Variants in PRKCD observed in about 807,000 individuals in gnomAD.
The protein encoded by PRKCD is protein kinase C delta type.
A neutral mutation model predicts 82.2 loss-of-function variants in PRKCD; 20 were observed. That is an observed-to-expected ratio of 0.24 (90% CI 0.17 to 0.35). The LOEUF (loss-of-function observed/expected upper bound fraction) is 0.35. Among genes scored for constraint, PRKCD ranks in the 10% least tolerant of loss-of-function variants. The pLI, the probability that PRKCD is intolerant of heterozygous loss-of-function variation, is 1.00. For synonymous variants in PRKCD, 317 were observed against 337.0 expected, an observed-to-expected ratio of 0.94 and a Z score of 0.65; for missense variants, 607 against 899.0, an observed-to-expected ratio of 0.68 and a Z score of 4.15.
In PRKCD at chr3:53,186,710, T is replaced by C. The variant is rs1444204215; in HGVS notation, c.1352+15T>C. The stretch of plus-strand genomic sequence containing the variant: ...TACCGTGCCACGTACGTAAGGGCCA[T>C]GGTGGGGAAGGGCCCAGTGTGGAGG... On this transcript the variant is annotated intron_variant, in intron 14 of 18. Coordinates refer to ENST00000330452, the MANE Select transcript of PRKCD (RefSeq NM_006254.4). The C allele has an allele frequency of 1.9e-6, 3 of 1,606,892 alleles. No homozygotes were observed. Among genetic ancestry groups the C allele is most frequent in the East Asian group, 4.5e-5 (2 of 44,862 alleles).
At chr3:53,186,363 C>A in intron 13 of PRKCD, 23 bp downstream of exon 13, 1 of 1,612,912 alleles carries the variant, frequency 6.2e-7, no homozygotes, top group Non-Finnish European at 8.5e-7. Flanking sequence ...CCTGCCGTCA[C>A]CACCCCATGC....
intron 2 of PRKCD, among the ~76,000 whole-genome samples, chr3:53,172,603 T>G (rs140037874): frequency 2.6e-5 from 4 of 152,160 alleles, no homozygotes; most frequent in Admixed American, 6.5e-5. Flanking sequence ...GTGGCAGGTG[T>G]CAGGTGTGTG....
Position 53,187,662 on chromosome 3 carries a change from G to A in PRKCD, c.1415+260G>A, listed in dbSNP as rs112969051. Among the ~76,000 whole-genome samples the A allele has an allele frequency of 6.4e-3, 972 of 152,316 alleles. 6 individuals carry two copies. Among genetic ancestry groups the A allele is most frequent in the African/African-American group, 0.021 (891 of 41,570 alleles). Reference sequence around the variant, plus strand: ...GCCCCACCCATCCTTGGAGCCGTCAGTCTCGCTCTGAAGCCCCATCGAGTC... The same window carrying A: ...GCCCCACCCATCCTTGGAGCCGTCAATCTCGCTCTGAAGCCCCATCGAGTC... On this transcript the variant is annotated intron_variant, in intron 15 of 18. Coordinates refer to ENST00000330452, the MANE Select transcript of PRKCD (RefSeq NM_006254.4).
chr3:53,184,420 A>G (rs1169208578), intron 9 of PRKCD, among the ~76,000 whole-genome samples: 1 of 152,046 alleles, frequency 6.6e-6, no homozygotes, highest in Non-Finnish European at 1.5e-5. Context: ...TCACACCTGT[A>G]ATCCCAGCAC....
intron 1 of PRKCD, among the ~76,000 whole-genome samples, chr3:53,164,184 A>G (rs1048607758): frequency 8.5e-5 from 13 of 152,154 alleles, no homozygotes; most frequent in Non-Finnish European, 1.3e-4. Context: ...TACCTTTGCC[A>G]TTTCTTCCTC....
chr3:53,185,802 C>T, intron 11 of PRKCD, 102 bp downstream of exon 11: 4 of 1,519,888 alleles, frequency 2.6e-6, no homozygotes, highest in South Asian at 2.2e-5. Context: ...TGGAAGGAAC[C>T]ACCGGTCCTG....
chr3:53,175,924 C>A (rs576980690), intron 2 of PRKCD, among the ~76,000 whole-genome samples: 15 of 152,330 alleles, frequency 9.8e-5, no homozygotes, highest in African/African-American at 3.4e-4. Flanking sequence ...CACCCAGATT[C>A]CTGCACATGT....
At chr3:53,166,092 A>G (rs529136091) in intron 2 of PRKCD, among the ~76,000 whole-genome samples, 4 of 152,158 alleles carry the variant, frequency 2.6e-5, no homozygotes, top group Non-Finnish European at 2.9e-5. Context: ...CTCACAGCCA[A>G]CCCTACTGGC....
At chr3:53,187,530 G>A in intron 15 of PRKCD, 128 bp downstream of exon 15, 1 of 1,118,616 alleles carries the variant, frequency 8.9e-7, no homozygotes, top group African/African-American at 1.5e-5. Context: ...TCTTTAGCTG[G>A]GTATTTGCCT....
intron 2 of PRKCD, among the ~76,000 whole-genome samples, chr3:53,168,779 A>G (rs1702916965): frequency 7.0e-6 from 1 of 141,852 alleles, no homozygotes; most frequent in African/African-American, 2.6e-5. Flanking sequence ...GCTGGGGCAC[A>G]GGAATGAGGG....
chr3:53,162,384 C>T (rs186845396), intron 1 of PRKCD, among the ~76,000 whole-genome samples: 20 of 152,302 alleles, frequency 1.3e-4, no homozygotes, highest in African/African-American at 4.3e-4. Context: ...CCCACCGAGC[C>T]CCGCCTTAAA....
intron 1 of PRKCD, among the ~76,000 whole-genome samples, chr3:53,161,996 G>C (rs1702681416): frequency 6.6e-6 from 1 of 151,400 alleles, no homozygotes; most frequent in Non-Finnish European, 1.5e-5. Context: ...GCCGCCCGCC[G>C]GGCCTCGCCT....
chr3:53,191,241 C>G (rs1287019921), intron 18 of PRKCD, among the ~76,000 whole-genome samples: 1 of 151,828 alleles, frequency 6.6e-6, no homozygotes, highest in Non-Finnish European at 1.5e-5. Context: ...GTCTCTACTA[C>G]AAAAAATACA....
chr3:53,189,017 C>T, intron 16 of PRKCD, 41 bp from the exon 17 acceptor site: 1 of 1,585,350 alleles, frequency 6.3e-7, no homozygotes. Context: ...TCAGCCTCAG[C>T]ACCTCAGCTC....
chr3:53,190,113 A>G, intron 18 of PRKCD, 112 bp downstream of exon 18: 1 of 1,464,568 alleles, frequency 6.8e-7, no homozygotes, highest in Non-Finnish European at 9.4e-7. Flanking sequence ...AGCAATCTCC[A>G]TAGCATGTTC....
At chr3:53,187,509 C>T in intron 15 of PRKCD, 107 bp downstream of exon 15, 1 of 1,283,162 alleles carries the variant, frequency 7.8e-7, no homozygotes, top group Non-Finnish European at 1.1e-6. Context: ...TCCTTCTCTG[C>T]TGGAAATCAA....
Position 53,178,387 on chromosome 3 carries a change from C to T in PRKCD, c.-19-17C>T, listed in dbSNP as rs782540011. 6.0e-5 allele frequency: 95 copies of T among 1,579,584 alleles called. No individual in the cohort carries two copies. Among genetic ancestry groups the T allele is most frequent in the Non-Finnish European group, 8.2e-5 (95 of 1,155,586 alleles). On this transcript the variant is annotated splice_polypyrimidine_tract_variant and intron_variant, in intron 2 of 18. Coordinates refer to ENST00000330452, the MANE Select transcript of PRKCD (RefSeq NM_006254.4). Reference sequence around the variant, plus strand: ...GGTCCCGCCCGGCCGCCTGGCCTCACCCCTCTGTGTGCACAGCCCCACTGC... The same window carrying T: ...GGTCCCGCCCGGCCGCCTGGCCTCATCCCTCTGTGTGCACAGCCCCACTGC...
intron 18 of PRKCD, among the ~76,000 whole-genome samples, 181 bp downstream of exon 18, chr3:53,190,182 C>T (rs1480048109): frequency 6.6e-6 from 1 of 152,238 alleles, no homozygotes. Flanking sequence ...TCATTCAGCA[C>T]ACACTGGGGA....
At chr3:53,185,533 G>A (rs1703641366) in intron 10 of PRKCD, 71 bp from the exon 11 acceptor site, 3 of 1,314,630 alleles carry the variant, frequency 2.3e-6, no homozygotes, top group African/African-American at 1.5e-5. Context: ...ATACCTGGGA[G>A]TCTTCCTTCT....
Sources: gnomAD v4.1 joint callset for allele counts (sites outside exome capture counted in the v4.1 genomes callset) on GRCh38, gnomAD v4.1.1 for gene constraint, MANE v1.5 for transcripts, NCBI Gene and HGNC (gene_info 2026-07-23, HGNC 2026-07-21) for gene names.